The following FRMPD4 variants were observed in gnomAD, a reference collection of about 807,000 sequenced individuals.
FRMPD4 encodes FERM and PDZ domain-containing protein 4.
FRMPD4 carries 22 observed loss-of-function variants against 94.1 expected under a neutral mutation model. The ratio of observed to expected loss-of-function variants is 0.23; its 90% CI spans 0.17 to 0.33. The LOEUF is 0.33. Among genes scored for constraint, FRMPD4 ranks in the 10% least tolerant of loss-of-function variants. FRMPD4 has a pLI of 1.00. For missense variants in FRMPD4, 1,111 were observed against 1,339.9 expected, an observed-to-expected ratio of 0.83 and a Z score of 2.67; for synonymous variants, 631 against 548.6, an observed-to-expected ratio of 1.15 and a Z score of -2.10.
At chrX:12,365,975 C>T (rs1042023094) in intron 1 of FRMPD4, among the ~76,000 whole-genome samples, 13 of 112,425 alleles carry the variant, frequency 1.2e-4, no homozygotes, top group South Asian at 3.7e-4. Flanking sequence ...GATGAATAAG[C>T]GTTGCCCTCA....
intron 13 of FRMPD4, among the ~76,000 whole-genome samples, chrX:12,710,133 TAGATAGAC>T (rs199833791): frequency 0.09 from 7,489 of 82,908 alleles, 285 homozygotes; most frequent in Middle Eastern, 0.15. Flanking sequence ...GTCTCAAATA[TAGATAGAC>T]AGATAGATAG....
intron 3 of FRMPD4, among the ~76,000 whole-genome samples, chrX:12,108,213 A>G: frequency 8.9e-6 from 1 of 112,161 alleles, no homozygotes; most frequent in Non-Finnish European, 1.9e-5. Flanking sequence ...CATCAGACTA[A>G]CAGCTGATCT....
intron 1 of FRMPD4, among the ~76,000 whole-genome samples, chrX:12,472,079 G>T (rs768978149): frequency 8.9e-6 from 1 of 112,244 alleles, no homozygotes; most frequent in Non-Finnish European, 1.9e-5. Flanking sequence ...CAAGAAATTA[G>T]GTAATGAAAA....
rs771686552 is a variant in FRMPD4, at chrX:12,719,994, AGAAAGGAAAGGAAAGGAAAG to A, written c.3965-499_3965-480del. 4.6e-4 allele frequency among the ~76,000 whole-genome samples: 38 copies of A among 81,948 alleles called. 1 individual carries two copies. The highest frequency in any genetic ancestry group is 3.8e-3 in the South Asian group (6 of 1,566). 71.2% of individuals were successfully genotyped at this position (81,948 alleles called of 115,157 possible). ...CACTTCTTTAAAAGAAAGAAAGGAA[AGAAAGGAAAGGAAAGGAAAG>A]GAAAGGAAAGGAAAGGAAAGGAAAG... On this transcript the variant is annotated intron_variant, in intron 16 of 16. Transcript: ENST00000675598.
chrX:12,643,375 G>A (rs1397265616), intron 4 of FRMPD4, among the ~76,000 whole-genome samples: 2 of 111,172 alleles, frequency 1.8e-5, no homozygotes, highest in East Asian at 5.6e-4. Context: ...CACCTGCCTC[G>A]CCCTCCCAAA....
intron 9 of FRMPD4, among the ~76,000 whole-genome samples, chrX:12,696,514 C>G (rs948042086): frequency 2.0e-5 from 2 of 101,113 alleles, no homozygotes; most frequent in Non-Finnish European, 3.9e-5. Flanking sequence ...ACTAACTACT[C>G]GAAGAGGTTG....
intron 1 of FRMPD4, among the ~76,000 whole-genome samples, chrX:12,158,185 A>G (rs182454142): frequency 7.1e-5 from 8 of 111,907 alleles, no homozygotes; most frequent in Non-Finnish European, 1.1e-4. Context: ...AATTGTAAAT[A>G]AACAATTTAT....
In FRMPD4 at chrX:12,147,323, C is replaced by T. The variant is rs184542731; in HGVS notation, c.41+8311C>T. Reference sequence around the variant, plus strand: ...AAGTCACAGGGTATCTGTTTTGGTACAAGTTTTTGGTAGGAGAATGCCTTT... The same window carrying T: ...AAGTCACAGGGTATCTGTTTTGGTATAAGTTTTTGGTAGGAGAATGCCTTT... On this transcript the variant is annotated intron_variant, in intron 1 of 16. Transcript: ENST00000675598. Among the ~76,000 whole-genome samples, 8 of 111,902 alleles carry T rather than the reference C, an allele frequency of 7.1e-5. No homozygotes were observed. The East Asian group carries it at 2.2e-3, about 31-fold the overall frequency.
At chrX:12,227,155 A>G (rs1189778778) in intron 1 of FRMPD4, among the ~76,000 whole-genome samples, 1 of 111,414 alleles carries the variant, frequency 9.0e-6, no homozygotes, top group African/African-American at 3.3e-5. Context: ...CACACTGAAG[A>G]CTCCAGAGCA....
chrX:12,651,421 A>G (rs73196401), intron 4 of FRMPD4, among the ~76,000 whole-genome samples: 2,538 of 107,846 alleles, frequency 0.024, 33 homozygotes, highest in Middle Eastern at 0.038. Flanking sequence ...CTTCCAAGAT[A>G]CTAAAAGCAG....
At chrX:12,145,657 G>A (rs927667114) in intron 1 of FRMPD4, among the ~76,000 whole-genome samples, 2 of 112,919 alleles carry the variant, frequency 1.8e-5, no homozygotes, top group African/African-American at 6.4e-5. Context: ...TTTGTATACT[G>A]TGGCTGCTCT....
chrX:12,609,752 C>T lies in FRMPD4; in HGVS notation c.190C>T (p.Pro64Ser). The change falls in exon 3 of 17, where the codon CCT becomes TCT. Residue 64 changes from proline (P) to serine (S), a missense_variant. Coordinates refer to ENST00000675598, the MANE Select transcript of FRMPD4 (RefSeq NM_001368397.1). ...HMTQAIPFDD[P>S]RLESCQIIPP... ...GACACAGGCAATCCCTTTTGACGAC[C>T]CTCGGTTAGAGAGCTGCCAAATCAT... 1 of 1,208,907 alleles carries T rather than the reference C, an allele frequency of 8.3e-7. No homozygotes were observed. Among genetic ancestry groups the T allele is most frequent in the Non-Finnish European group, 1.1e-6 (1 of 892,795 alleles).
At chrX:12,363,811 C>T (rs139658794) in intron 1 of FRMPD4, among the ~76,000 whole-genome samples, 1,716 of 111,469 alleles carry the variant, frequency 0.015, 26 homozygotes, top group African/African-American at 0.05. Context: ...TTAGGGAGTG[C>T]GGTGACAAGT....
At chrX:12,207,941 A>G (rs2056711860) in intron 1 of FRMPD4, among the ~76,000 whole-genome samples, 1 of 111,857 alleles carries the variant, frequency 8.9e-6, no homozygotes, top group African/African-American at 3.2e-5. Context: ...AATCCTGCCA[A>G]GTTATAAAGA....
chrX:12,526,766 A>T (rs957832737), intron 2 of FRMPD4, among the ~76,000 whole-genome samples: 2 of 112,405 alleles, frequency 1.8e-5, no homozygotes, highest in African/African-American at 6.5e-5. Flanking sequence ...CAACTTCCAG[A>T]AGTTATCATA....
chrX:12,609,526 G>A (rs977269310), intron 2 of FRMPD4, among the ~76,000 whole-genome samples, 195 bp from the exon 3 acceptor site: 2 of 111,986 alleles, frequency 1.8e-5, no homozygotes, highest in Non-Finnish European at 3.8e-5. Context: ...CCAGGTTCGA[G>A]GAACAGCCAA....
At chrX:12,587,070 G>A (rs1013550018) in intron 2 of FRMPD4, among the ~76,000 whole-genome samples, 2 of 109,287 alleles carry the variant, frequency 1.8e-5, no homozygotes, top group Non-Finnish European at 3.8e-5. Flanking sequence ...TCTGCCTCGC[G>A]GGTTCAAGTG....
chrX:12,512,397 C>T (rs1306858907), intron 2 of FRMPD4, among the ~76,000 whole-genome samples: 6 of 112,025 alleles, frequency 5.4e-5, no homozygotes, highest in Non-Finnish European at 1.1e-4. Context: ...ACTACAGGCC[C>T]CAGTGTGTGT....
In FRMPD4 at chrX:12,710,530, G is replaced by T. The variant is rs771897369; in HGVS notation, c.1602G>T (p.Gln534His). ...NMANKKNTAT[Q>H]ETGPENKGKH... ...CCAACAAGAAAAACACAGCGACCCAGGAAACAGGTATTCTCTTCCTGAACT... is the reference window on the plus strand; with the variant it reads ...CCAACAAGAAAAACACAGCGACCCATGAAACAGGTATTCTCTTCCTGAACT... The change falls in exon 14 of 17, where the codon CAG (glutamine) becomes CAT (histidine). Residue 534 changes from glutamine to histidine, a missense_variant. Transcript: ENST00000675598. 348 of 1,203,911 alleles carry T rather than the reference G, an allele frequency of 2.9e-4. No individual in the cohort carries two copies. The highest frequency in any genetic ancestry group is 3.6e-4 in the Non-Finnish European group (325 of 890,595).
Sources: gnomAD v4.1 joint callset for allele counts (sites outside exome capture counted in the v4.1 genomes callset) on GRCh38, gnomAD v4.1.1 for gene constraint, MANE v1.5 for transcripts, NCBI Gene and HGNC (gene_info 2026-07-23, HGNC 2026-07-21) for gene names.